The following CSRNP1 variants were observed in gnomAD, a reference collection of about 807,000 sequenced individuals.
CSRNP1 encodes cysteine/serine-rich nuclear protein 1.
A neutral mutation model predicts 25.0 loss-of-function variants in CSRNP1; 8 were observed. The ratio of observed to expected loss-of-function variants is 0.32; its 90% confidence interval spans 0.19 to 0.58. The LOEUF (loss-of-function observed/expected upper bound fraction) is 0.58. CSRNP1 is among the 20% of genes least tolerant of loss of function. The probability of loss-of-function intolerance (pLI) is 0.88; values close to 1 mark genes in which losing one functional copy is unlikely to be tolerated. For missense variants in CSRNP1, 691 were observed against 773.1 expected, an observed-to-expected ratio of 0.89 and a Z score of 1.26; for synonymous variants, 305 against 303.1, an observed-to-expected ratio of 1.01 and a Z score of -0.06.
At chr3:39,149,076 T>C (rs1332677480) in intron 1 of CSRNP1, 1 of 150,546 alleles carries the variant, frequency 6.6e-6, no homozygotes, top group Admixed American at 6.6e-5. Flanking sequence ...GTTCTTAGAT[T>C]AGTGATAAGT....
At position 39,146,851 on chromosome 3, in the gene CSRNP1, C is replaced by A. The variant is rs889696358; in HGVS notation, c.-40-129G>T. 1.0e-5 allele frequency: 13 copies of A among 1,283,498 alleles called. No homozygotes were observed. In the South Asian group the frequency reaches 1.2e-4, roughly 12 times the overall value. The allele number at this position is 1,283,498 out of a possible 1,614,324, so 79.5% of individuals were successfully genotyped here. On this transcript the variant is annotated intron_variant, in intron 1 of 4. Transcript: ENST00000273153. ...CCCTGGCCTCTGCCCTCCAGCCCTG[C>A]CTGTGGAGCTCTGTGTGGGGGAGGG...
chr3:39,146,230 G>A (rs539044248), intron 2 of CSRNP1, among the ~76,000 whole-genome samples: 1 of 152,288 alleles, frequency 6.6e-6, no homozygotes, highest in Admixed American at 6.5e-5. Flanking sequence ...GCCAGACCGG[G>A]AAGGCCCTGA....
chr3:39,146,760 G>T, intron 1 of CSRNP1, 38 bp from the exon 2 acceptor site: 1 of 1,519,778 alleles, frequency 6.6e-7, no homozygotes, highest in Non-Finnish European at 8.8e-7. Context: ...TGGCAGGCAG[G>T]CAGCAGCAGG....
Position 39,142,804 on chromosome 3 carries a change from G to T in CSRNP1, c.*251C>A, listed in dbSNP as rs1002336754. 2 of 391,296 alleles carry T rather than the reference G, an allele frequency of 5.1e-6. No individual in the cohort carries two copies. Among genetic ancestry groups the T allele is most frequent in the Non-Finnish European group, 9.2e-6 (2 of 218,254 alleles). 24.2% of individuals were successfully genotyped at this position (391,296 alleles called of 1,614,324 possible). A position where few individuals can be genotyped will look rare whatever the true frequency, so the allele number is the denominator to read the frequency against. The stretch of plus-strand genomic sequence containing the variant: ...CTTCCAGGCTCACGTTGTGGAGATA[G>T]AAGAGCAAGCTGTGGGTGTGGGGGG... On this transcript the variant is annotated 3_prime_UTR_variant, in exon 5 of 5. Coordinates refer to ENST00000273153, the MANE Select transcript of CSRNP1 (RefSeq NM_033027.4).
intron 2 of CSRNP1, among the ~76,000 whole-genome samples, chr3:39,145,640 T>C (rs947422463): frequency 1.3e-5 from 2 of 152,238 alleles, no homozygotes; most frequent in African/African-American, 2.4e-5. Flanking sequence ...TAATGTTTAT[T>C]GATTAGTAAG....
intron 1 of CSRNP1, among the ~76,000 whole-genome samples, chr3:39,146,980 A>C (rs1265420108): frequency 6.6e-6 from 1 of 152,070 alleles, no homozygotes; most frequent in African/African-American, 2.4e-5. Flanking sequence ...CTCTGCCCAA[A>C]GCCTTCCCAG....
chr3:39,150,512 A>G (rs754445278), intron 1 of CSRNP1: 2 of 152,272 alleles, frequency 1.3e-5, no homozygotes, highest in Non-Finnish European at 2.9e-5. Flanking sequence ...AGTTAATTTA[A>G]GAGGGGCAGG....
At position 39,152,198 on chromosome 3, in the gene CSRNP1, T is replaced by A. The variant is rs140616486; in HGVS notation, c.-41+1240A>T. The A allele has an allele frequency of 9.9e-3, 1,509 of 152,440 alleles. 9 individuals carry two copies. The highest frequency in any genetic ancestry group is 0.014 in the Admixed American group (215 of 15,280). 9.4% of individuals were successfully genotyped at this position (152,440 alleles called of 1,614,324 possible). On this transcript the variant is annotated intron_variant, in intron 1 of 4. Transcript: ENST00000273153. The stretch of plus-strand genomic sequence containing the variant: ...GAAGGAATGTAGGCAGAGTTCCAGA[T>A]AGGGGCTCCGCATGGGTAAGGAACA...
At chr3:39,150,920 G>A (rs946881149) in intron 1 of CSRNP1, 3 of 152,244 alleles carry the variant, frequency 2.0e-5, no homozygotes, top group Admixed American at 2.0e-4. Context: ...CCTCTGGAGA[G>A]GCGGGGGAAG....
intron 2 of CSRNP1, 71 bp from the exon 3 acceptor site, chr3:39,145,327 G>A (rs865912360): frequency 1.3e-6 from 2 of 1,487,332 alleles, no homozygotes; most frequent in Non-Finnish European, 1.8e-6. Context: ...AAAAGATCAT[G>A]CCAGACTGCC....
chr3:39,145,096 G>A lies in CSRNP1; in HGVS notation c.366C>T (p.Arg122=). The A allele has an allele frequency of 1.2e-6, 2 of 1,614,288 alleles. No individual in the cohort carries two copies. The highest frequency in any genetic ancestry group is 1.7e-6 in the Non-Finnish European group (2 of 1,180,052). ...GMALRHSACR[R]FSLAEFAQEQ... The stretch of plus-strand genomic sequence containing the variant: ...CCTGCGCAAACTCAGCCAAAGAGAA[G>A]CGACGGCAAGCACTGTGGCGAAGGG... Residue 122 remains arginine, a synonymous_variant, in exon 3 of 5, where the codon CGC becomes CGT. Coordinates refer to ENST00000273153, the MANE Select transcript of CSRNP1 (RefSeq NM_033027.4).
In CSRNP1 at chr3:39,142,041, A is replaced by T. The variant is rs1452131722; in HGVS notation, c.*1014T>A. 1 of 152,674 alleles carries T rather than the reference A, an allele frequency of 6.5e-6. No individual in the cohort carries two copies. Among genetic ancestry groups the T allele is most frequent in the Non-Finnish European group, 1.5e-5 (1 of 68,052 alleles). The allele number at this position is 152,674 out of a possible 1,614,324, so 9.5% of individuals were successfully genotyped here. A position where few individuals can be genotyped will look rare whatever the true frequency, so the allele number is the denominator to read the frequency against. ...GGGACAATGTAGAAATTATGATGCA[A>T]AATTAAACATTAGCAAACAAAGGGT... On this transcript the variant is annotated 3_prime_UTR_variant, in exon 5 of 5. Transcript: ENST00000273153.
upstream of CSRNP1, chr3:39,154,132 G>GA (rs2039626437): frequency 6.6e-6 from 1 of 152,292 alleles, no homozygotes; most frequent in African/African-American, 2.4e-5. Flanking sequence ...GGCTGGAGAG[G>GA]AATCTGGGGT....
At chr3:39,151,649 G>C (rs2039583458) in intron 1 of CSRNP1, 1 of 152,384 alleles carries the variant, frequency 6.6e-6, no homozygotes. Context: ...AAAACACTTG[G>C]GGTCACATGA....
intron 1 of CSRNP1, chr3:39,152,489 G>A (rs1006860997): frequency 6.5e-6 from 1 of 153,398 alleles, no homozygotes; most frequent in African/African-American, 2.4e-5. Flanking sequence ...GAAGGAAGAG[G>A]GCAGGGCTGT....
intron 2 of CSRNP1, among the ~76,000 whole-genome samples, chr3:39,146,105 C>T (rs947335127): frequency 6.6e-6 from 1 of 152,162 alleles, no homozygotes; most frequent in Non-Finnish European, 1.5e-5. Context: ...GGAGAGGGAC[C>T]GGCTTGACAG....
intron 1 of CSRNP1, 71 bp downstream of exon 1, chr3:39,153,367 A>C (rs972836515): frequency 1.0e-5 from 2 of 199,634 alleles, no homozygotes; most frequent in Non-Finnish European, 2.2e-5. Context: ...CAGGAGCGGC[A>C]GTGCCACTCG....
chr3:39,145,753 C>T (rs2039499538), intron 2 of CSRNP1, among the ~76,000 whole-genome samples: 1 of 152,180 alleles, frequency 6.6e-6, no homozygotes. Flanking sequence ...TAATTTTGTA[C>T]CCAGCTACCA....
rs892928786 is a variant in CSRNP1 at position 39,143,774 on chromosome 3, C to T, written c.1051G>A (p.Asp351Asn). 9 of 1,613,956 alleles carry T rather than the reference C, an allele frequency of 5.6e-6. No individual in the cohort carries two copies. The highest frequency in any genetic ancestry group is 5.3e-5 in the African/African-American group (4 of 74,922). The change falls in exon 5 of 5, where the codon GAC becomes AAC. Residue 351 changes from aspartate (D) to asparagine (N), a missense_variant. By Grantham distance (23) the Asp-to-Asn change is conservative. Coordinates refer to ENST00000273153, the MANE Select transcript of CSRNP1 (RefSeq NM_033027.4). ...GATGCTGTAGAAGAATCAGTCATGT[C>T]GCTGCTGCAGCTGTTGTCTCCCAGC... is the stretch of plus-strand genomic sequence containing the variant. Reference protein sequence around the residue: ...NELGDNSCSSDMTDSSTASSS... With the variant: ...NELGDNSCSSNMTDSSTASSS...
Sources: gnomAD v4.1 joint callset for allele counts (sites outside exome capture counted in the v4.1 genomes callset) on GRCh38, gnomAD v4.1.1 for gene constraint, MANE v1.5 for transcripts, NCBI Gene and HGNC (gene_info 2026-07-23, HGNC 2026-07-21) for gene names.